The following LPCAT3 variants were observed in gnomAD, a reference collection of about 807,000 sequenced individuals.
LPCAT3 encodes lysophosphatidylcholine acyltransferase 3, also known as lysophospholipid acyltransferase 5.
LPCAT3 carries 21 observed loss-of-function variants against 63.4 expected under a neutral mutation model. The ratio of observed to expected loss-of-function variants is 0.33; its 90% CI spans 0.23 to 0.48. LPCAT3 has a LOEUF of 0.48. LPCAT3 is among the 20% of genes least tolerant of loss of function. The pLI is 0.99. For missense variants in LPCAT3, 451 were observed against 590.6 expected (o/e 0.76, Z 2.45); for synonymous variants, 242 against 227.5 (o/e 1.06, Z -0.58).
rs782718258 is a variant in LPCAT3, at chr12:6,977,208, T to C, written c.1402A>G (p.Ile468Val). 1.1e-5 allele frequency: 17 copies of C among 1,613,932 alleles called. No homozygotes were observed. The highest frequency in any genetic ancestry group is 1.4e-5 in the Non-Finnish European group (16 of 1,179,898). Residue 468 changes from isoleucine to valine, a missense_variant, in exon 12 of 13, where the codon ATA (isoleucine) becomes GTA (valine). This residue lies in a region of LPCAT3 where 304 missense variants were observed against 390.8 expected (regional missense o/e 0.78). Transcript: ENST00000261407. The surrounding 1 kb of genome is among the most constrained non-coding windows in gnomAD (Gnocchi z 4.5). ...GHIFFLSLLFILPYIHKAMVP... is the reference protein window; with the variant it reads ...GHIFFLSLLFVLPYIHKAMVP... The stretch of plus-strand genomic sequence containing the variant: ...ATTGCTTTGTGAATATAAGGCAATA[T>C]GAATAGTAGGCTCAGGAAGAAGATG...
intron 7 of LPCAT3, chr12:6,978,907 C>G: frequency 1.6e-6 from 1 of 608,710 alleles, no homozygotes; most frequent in Non-Finnish European, 2.8e-6. Context: ...TGGAGAGCCT[C>G]AAGGGCAGCA....
At chr12:6,982,000 C>A in intron 3 of LPCAT3, 96 bp from the exon 4 acceptor site, 1 of 719,204 alleles carries the variant, frequency 1.4e-6, no homozygotes, top group South Asian at 1.6e-5. Flanking sequence ...TTCTCCTCAT[C>A]CCATCATTAA....
Position 6,977,178 on chromosome 12 carries a change from G to A in LPCAT3, c.1432C>T (p.Pro478Ser). The stretch of plus-strand genomic sequence containing the variant: ...ATCTTCTTTAACTTCTCTTTCCTTG[G>A]CACCATTGCTTTGTGAATATAAGGC... ...ILPYIHKAMV[P>S]RKEKLKKME The change falls in exon 12 of 13, where the codon CCA becomes TCA. Residue 478 changes from proline (P) to serine (S), a missense_variant. Transcript: ENST00000261407. This position sits in a 1 kb window ranked among gnomAD's most constrained non-coding sequence, Gnocchi z 4.5. 1 of 1,612,788 alleles carries A rather than the reference G, an allele frequency of 6.2e-7. No homozygotes were observed. Among genetic ancestry groups the A allele is most frequent in the East Asian group, 2.2e-5 (1 of 44,876 alleles).
In LPCAT3 at chr12:6,976,863, A is replaced by G. The variant is rs1047302572; in HGVS notation, c.*41T>C. 1.6e-5 allele frequency: 5 copies of G among 310,492 alleles called. No individual in the cohort carries two copies. Among genetic ancestry groups the G allele is most frequent in the Non-Finnish European group, 2.4e-5 (4 of 163,796 alleles). The allele number at this position is 310,492 out of a possible 1,614,324, so 19.2% of individuals were successfully genotyped here. A position where few individuals can be genotyped will look rare whatever the true frequency, so the allele number is the denominator to read the frequency against. On this transcript the variant is annotated 3_prime_UTR_variant, in exon 13 of 13. Coordinates refer to ENST00000261407, the MANE Select transcript of LPCAT3 (RefSeq NM_005768.6). ...GAGTGCTGTGAAAAGGGAGACGAGT[A>G]GTTTCTGCACCAGTCCCGCACAGGC... is the stretch of plus-strand genomic sequence containing the variant.
chr12:6,981,546 T>C, intron 5 of LPCAT3, 49 bp downstream of exon 5: 2 of 1,593,538 alleles, frequency 1.3e-6, no homozygotes, highest in Non-Finnish European at 1.7e-6. Context: ...AACTTTTTTC[T>C]TCCCTTTCAT....
chr12:7,007,688 T>A (rs1555156954), intron 1 of LPCAT3, among the ~76,000 whole-genome samples: 1 of 151,482 alleles, frequency 6.6e-6, no homozygotes, highest in African/African-American at 2.4e-5. Flanking sequence ...AGAGACAGGG[T>A]TTCACCATGT....
rs1946801460 is a variant in LPCAT3 at position 7,017,041 on chromosome 12, A to G, written c.151+1233T>C. ...GGTTAACACCCTCTGGTGATATTATATATCAGTGTTTCTACTGAATACTGG... is the reference window on the plus strand; with the variant it reads ...GGTTAACACCCTCTGGTGATATTATGTATCAGTGTTTCTACTGAATACTGG... On this transcript the variant is annotated intron_variant, in intron 1 of 12. Coordinates refer to ENST00000261407, the MANE Select transcript of LPCAT3 (RefSeq NM_005768.6). The surrounding 1 kb of genome is among the most constrained non-coding windows in gnomAD (Gnocchi z 4.1). Among the ~76,000 whole-genome samples the G allele has an allele frequency of 6.6e-6, 1 of 152,224 alleles. No homozygotes were observed. The highest frequency in any genetic ancestry group is 1.5e-5 in the Non-Finnish European group (1 of 68,040).
chr12:6,978,124 C>A, intron 9 of LPCAT3: 1 of 593,818 alleles, frequency 1.7e-6, no homozygotes, highest in South Asian at 2.1e-5. Flanking sequence ...ACACCCAGGT[C>A]TTAACGCACT....
In LPCAT3 at chr12:6,982,561, T is replaced by C. The variant is rs782242314; in HGVS notation, c.366+115A>G. On this transcript the variant is annotated intron_variant, in intron 3 of 12. Coordinates refer to ENST00000261407, the MANE Select transcript of LPCAT3 (RefSeq NM_005768.6). ...TACCTGAAGTCATACTGCTAAGTGC[T>C]GGGAGAGGGGTTAGAAATTAGGTCT... 2.2e-5 allele frequency: 16 copies of C among 733,780 alleles called. No homozygotes were observed. The South Asian group carries it at 2.5e-4, about 11-fold the overall frequency. 45.5% of individuals were successfully genotyped at this position (733,780 alleles called of 1,614,324 possible). A position where few individuals can be genotyped will look rare whatever the true frequency, so the allele number is the denominator to read the frequency against.
intron 1 of LPCAT3, chr12:6,997,379 A>ATGTGTG (rs201579525): frequency 0.059 from 6,697 of 114,014 alleles, 256 homozygotes; most frequent in East Asian, 0.087. Flanking sequence ...ACAGCAAATT[A>ATGTGTG]TGTGTGTGTG....
At chr12:6,992,093 G>A (rs1555155545) in intron 1 of LPCAT3, among the ~76,000 whole-genome samples, 1 of 151,946 alleles carries the variant, frequency 6.6e-6, no homozygotes, top group Non-Finnish European at 1.5e-5. Flanking sequence ...ATTTATTCAA[G>A]GACTGACATT....
intron 1 of LPCAT3, among the ~76,000 whole-genome samples, chr12:6,989,330 T>C (rs1182620386): frequency 2.0e-5 from 3 of 150,444 alleles, no homozygotes; most frequent in African/African-American, 7.3e-5. Context: ...TTTTTTTTTT[T>C]TGAGACAGAG....
Position 6,977,685 on chromosome 12 carries a change from C to T in LPCAT3, c.1101G>A (p.Leu367=). 6.2e-7 allele frequency: 1 copy of T among 1,614,212 alleles called. No individual in the cohort carries two copies. The highest frequency in any genetic ancestry group is 1.3e-5 in the African/African-American group (1 of 75,050). ...GGCCGTGCCAGAGGGCCAGGAATAG[C>T]AACGAGAGACCCTGAGAGAGTTCTT... The part of the protein sequence containing the change: ...GNKELSQGLS[L]LFLALWHGLH... Residue 367 remains leucine (L), a synonymous_variant, in exon 10 of 13, where the codon TTG becomes TTA. Coordinates refer to ENST00000261407, the MANE Select transcript of LPCAT3 (RefSeq NM_005768.6). The surrounding 1 kb of genome is among the most constrained non-coding windows in gnomAD (Gnocchi z 4.5).
intron 1 of LPCAT3, among the ~76,000 whole-genome samples, chr12:6,992,787 T>C (rs1439704958): frequency 6.6e-6 from 1 of 152,198 alleles, no homozygotes; most frequent in Non-Finnish European, 1.5e-5. Context: ...TCTCTTGGTG[T>C]CCATGAAGGA....
In LPCAT3 at chr12:6,977,926, G is replaced by A; in HGVS notation, c.1041-181C>T. ...TTTTAGAGATGGAAAGCAGACCCAA[G>A]GCGGAGCTGGAGACCGTGTGCGCAC... On this transcript the variant is annotated intron_variant, in intron 9 of 12. Coordinates refer to ENST00000261407, the MANE Select transcript of LPCAT3 (RefSeq NM_005768.6). This position sits in a 1 kb window ranked among gnomAD's most constrained non-coding sequence, Gnocchi z 4.5. 1.4e-6 allele frequency: 1 copy of A among 689,694 alleles called. No individual in the cohort carries two copies. The allele number at this position is 689,694 out of a possible 1,614,324, so 42.7% of individuals were successfully genotyped here.
At position 7,018,289 on chromosome 12, in the gene LPCAT3, T is replaced by C. The variant is rs377309451; in HGVS notation, c.136A>G (p.Ile46Val). 3.1e-6 allele frequency: 5 copies of C among 1,604,202 alleles called. No individual in the cohort carries two copies. The highest frequency in any genetic ancestry group is 2.7e-5 in the African/African-American group (2 of 74,802). The change falls in exon 1 of 13, where the codon ATC (isoleucine) becomes GTC (valine). Residue 46 changes from isoleucine (I) to valine (V), a missense_variant. Ile to Val is a conservative substitution (Grantham distance 29). Around this residue, in one of 3 missense-constraint regions of LPCAT3, gnomAD observed 133 missense variants for 152.1 expected, o/e 0.87. Coordinates refer to ENST00000261407, the MANE Select transcript of LPCAT3 (RefSeq NM_005768.6). The surrounding 1 kb of genome is among the most constrained non-coding windows in gnomAD (Gnocchi z 4.9). ...GASEQALRLIISIFLGYPFAL... is the reference protein window; with the variant it reads ...GASEQALRLIVSIFLGYPFAL... Reference sequence around the variant, plus strand: ...GGGTCCTTACCCAGGAAGATGGAGATGATCAGCCGCAGCGCCTGTTCTGAC... The same window carrying C: ...GGGTCCTTACCCAGGAAGATGGAGACGATCAGCCGCAGCGCCTGTTCTGAC...
chr12:6,990,566 TTGAG>T (rs1457349260), intron 1 of LPCAT3, among the ~76,000 whole-genome samples: 1 of 117,100 alleles, frequency 8.5e-6, no homozygotes. Context: ...AATAAATAAA[TTGAG>T]CACCCCAAAC....
At position 6,977,356 on chromosome 12, in the gene LPCAT3, C is replaced by CCTTAAGCCTTCACTTG; in HGVS notation, c.1347+10_1347+11insCAAGTGAAGGCTTAAG. 6.2e-7 allele frequency: 1 copy of CCTTAAGCCTTCACTTG among 1,614,128 alleles called. No homozygotes were observed. Among genetic ancestry groups the CCTTAAGCCTTCACTTG allele is most frequent in the Non-Finnish European group, 8.5e-7 (1 of 1,179,980 alleles). On this transcript the variant is annotated intron_variant, in intron 11 of 12. Transcript: ENST00000261407. The surrounding 1 kb of genome is among the most constrained non-coding windows in gnomAD (Gnocchi z 4.5). Reference sequence around the variant, plus strand: ...AGTCCCTCCCAGTCTCACAAGCAGGCCTTCACTTGCCTTAAGCCATTTGTC... The same window carrying CCTTAAGCCTTCACTTG: ...AGTCCCTCCCAGTCTCACAAGCAGGCCTTAAGCCTTCACTTGCTTCACTTGCCTTAAGCCATTTGTC...
intron 1 of LPCAT3, among the ~76,000 whole-genome samples, chr12:6,996,594 T>C (rs1946637694): frequency 1.3e-5 from 2 of 152,176 alleles, no homozygotes; most frequent in South Asian, 2.1e-4. Flanking sequence ...GAACAATGAG[T>C]GAACAAGTGC....
Sources: allele counts gnomAD v4.1 joint callset (sites outside exome capture counted in the v4.1 genomes callset), GRCh38; gene constraint gnomAD v4.1.1; regional missense constraint gnomAD v4.1.1; non-coding constraint Gnocchi (gnomAD v3.1); transcripts MANE v1.5; gene names NCBI Gene and HGNC (gene_info 2026-07-23, HGNC 2026-07-21).